MIR17HG: variants seen among roughly 807,000 people sequenced by gnomAD.
MIR17HG encodes the protein MIR17 host gene (non-protein coding).
intron 3 of MIR17HG, among the ~76,000 whole-genome samples, chr13:91,352,799 G>A (rs2138695111): frequency 6.6e-6 from 1 of 152,190 alleles, no homozygotes; most frequent in Non-Finnish European, 1.5e-5. Context: ...TGACAAACGT[G>A]GCTTTCAAAC....
chr13:91,351,043 T>C lies in MIR17HG; in HGVS notation n.284+817T>C, dbSNP rs375489721. 172 of 527,110 alleles carry C rather than the reference T, an allele frequency of 3.3e-4. 10 individuals are homozygous for C. Among genetic ancestry groups the C allele is most frequent in the Non-Finnish European group, 2.4e-4 (60 of 253,548 alleles). 32.7% of individuals were successfully genotyped at this position (527,110 alleles called of 1,614,324 possible). A position where few individuals can be genotyped will look rare whatever the true frequency, so the allele number is the denominator to read the frequency against. ...TTGTGTCGATGTAGAATCTGCCTGG[T>C]CTATCTGATGTGACAGCTTCTGTAG... On this transcript the variant is annotated intron_variant and non_coding_transcript_variant, in intron 3 of 3. Transcript: ENST00000400282.
rs531651566 is a variant in MIR17HG, at chr13:91,349,023, G to C, written n.141-675G>C. Among the ~76,000 whole-genome samples the C allele has an allele frequency of 7.7e-3, 1,163 of 151,176 alleles. 6 individuals are homozygous for C. Among genetic ancestry groups the C allele is most frequent in the Admixed American group, 0.016 (238 of 15,216 alleles). ...CGCCGCGCGGCTGCCGCCGGGAAAC[G>C]GGTTGGGGGGGTTGCCGCGTCCGGC... On this transcript the variant is annotated intron_variant and non_coding_transcript_variant, in intron 1 of 3. Transcript: ENST00000400282.
chr13:91,352,140 A>G (rs1157039768), intron 3 of MIR17HG: 1 of 152,208 alleles, frequency 6.6e-6, no homozygotes, highest in African/African-American at 2.4e-5. Flanking sequence ...CTAAGTCTGT[A>G]GTTAACATTT....
chr13:91,348,379 C>T (rs935445726), intron 1 of MIR17HG, among the ~76,000 whole-genome samples: 2 of 150,306 alleles, frequency 1.3e-5, no homozygotes, highest in Admixed American at 6.6e-5. Context: ...AAGTTTCTCC[C>T]GAGGGCGAGA....
rs1387281027 is a variant in MIR17HG, at chr13:91,350,831, A to G, written n.284+605A>G. The G allele has an allele frequency of 5.6e-6, 3 of 534,652 alleles. No individual in the cohort carries two copies. In the Admixed American group the frequency reaches 5.8e-5, roughly 10 times the overall value. The allele number at this position is 534,652 out of a possible 1,614,324, so 33.1% of individuals were successfully genotyped here. The stretch of plus-strand genomic sequence containing the variant: ...AGTGCTCCTTCTGGCATAAGAAGTT[A>G]TGTATTCATCCAATAATTCAAGCCA... On this transcript the variant is annotated intron_variant and non_coding_transcript_variant, in intron 3 of 3. Coordinates refer to ENST00000400282, the Ensembl canonical transcript of MIR17HG.
intron 3 of MIR17HG, chr13:91,351,300 G>A (rs780955709): frequency 7.5e-6 from 4 of 531,284 alleles, no homozygotes; most frequent in Admixed American, 3.9e-5. Flanking sequence ...GAAAAGTAAG[G>A]GAAACTCAAA....
At chr13:91,353,127 A>AG (rs1366593259) in intron 3 of MIR17HG, among the ~76,000 whole-genome samples, 1 of 151,310 alleles carries the variant, frequency 6.6e-6, no homozygotes, top group East Asian at 1.9e-4. Flanking sequence ...AAAAAAAAAA[A>AG]AAAAAAAAAG....
chr13:91,349,251 A>G (rs918293304), intron 1 of MIR17HG, among the ~76,000 whole-genome samples: 10 of 152,230 alleles, frequency 6.6e-5, no homozygotes, highest in African/African-American at 1.4e-4. Context: ...CGTCGTTGCA[A>G]TATCACCAAA....
intron 3 of MIR17HG, among the ~76,000 whole-genome samples, chr13:91,353,780 CTTTTTTT>C (rs60480664): frequency 1.5e-5 from 2 of 137,142 alleles, no homozygotes; most frequent in Admixed American, 7.3e-5. Flanking sequence ...AATGGGTCAA[CTTTTTTT>C]TTTTTTTTTG....
chr13:91,348,670 C>T (rs1424324631), intron 1 of MIR17HG, among the ~76,000 whole-genome samples: 2 of 150,770 alleles, frequency 1.3e-5, no homozygotes, highest in South Asian at 4.1e-4. Flanking sequence ...CGGAGGAGGC[C>T]GCAGTCGGCC....
intron 3 of MIR17HG, chr13:91,351,355 G>A (rs770213461): frequency 7.5e-6 from 4 of 530,868 alleles, no homozygotes; most frequent in South Asian, 5.6e-5. Flanking sequence ...CTGTGTTTCT[G>A]TATGGTATTG....
intron 1 of MIR17HG, chr13:91,348,077 GTGGCCGGGGCGGGTCTCGGCCGT>G (rs1270755224): frequency 6.8e-6 from 1 of 147,404 alleles, no homozygotes; most frequent in Admixed American, 6.7e-5. Context: ...CGGCGGCGGC[GTGGCCGGGGCGGGTCTCGGCCGT>G]TGGCCGCCCC....
intron 1 of MIR17HG, among the ~76,000 whole-genome samples, chr13:91,349,427 T>C (rs1264491363): frequency 1.3e-5 from 2 of 152,104 alleles, no homozygotes; most frequent in Non-Finnish European, 2.9e-5. Context: ...AGTCGGTGAT[T>C]GCTGCTGATC....
intron 1 of MIR17HG, among the ~76,000 whole-genome samples, chr13:91,348,207 G>T (rs1875064102): frequency 6.7e-6 from 1 of 148,796 alleles, no homozygotes; most frequent in Admixed American, 6.7e-5. Context: ...GGCGGCGTGC[G>T]CGTGGCGGCC....
chr13:91,353,146 T>TA (rs1875412253), intron 3 of MIR17HG, among the ~76,000 whole-genome samples: 1 of 126,748 alleles, frequency 7.9e-6, no homozygotes, highest in South Asian at 2.7e-4. Context: ...AGTTTCATAA[T>TA]ACAGCATGGT....
intron 2 of MIR17HG, chr13:91,349,845 T>C (rs1875200287): frequency 6.6e-6 from 1 of 152,188 alleles, no homozygotes; most frequent in East Asian, 1.9e-4. Flanking sequence ...ATAAATAGGA[T>C]TGGTTTCTTA....
intron 1 of MIR17HG, among the ~76,000 whole-genome samples, chr13:91,348,293 C>T (rs1875071112): frequency 1.3e-5 from 2 of 150,216 alleles, no homozygotes; most frequent in Admixed American, 1.3e-4. Flanking sequence ...AATGGCCCCT[C>T]GGGGAGAGGA....
intron 1 of MIR17HG, among the ~76,000 whole-genome samples, chr13:91,348,750 C>T (rs1038225604): frequency 6.6e-5 from 10 of 150,452 alleles, no homozygotes; most frequent in South Asian, 6.2e-4. Context: ...GCCAGCCCGG[C>T]TCGGCGGGAG....
At chr13:91,353,906 A>G (rs1875447204) in intron 3 of MIR17HG, 2 of 152,516 alleles carry the variant, frequency 1.3e-5, no homozygotes, top group African/African-American at 2.4e-5. Flanking sequence ...GATTTTACTG[A>G]AAACTTTTGA....
Sources: allele counts gnomAD v4.1 joint callset (sites outside exome capture counted in the v4.1 genomes callset), GRCh38; gene constraint gnomAD v4.1.1; transcripts MANE v1.5; gene names NCBI Gene and HGNC (gene_info 2026-07-23, HGNC 2026-07-21).